GCKR: variants seen among roughly 807,000 people sequenced by gnomAD.
The protein encoded by GCKR is glucokinase regulator, also known as glucokinase regulatory protein.
Under a neutral mutation model 82.9 loss-of-function variants are expected in GCKR, and 73 were observed. The ratio of observed to expected loss-of-function variants is 0.88; its 90% CI spans 0.73 to 1.07. The LOEUF is 1.07. Among genes scored for constraint, GCKR ranks in the 50% least tolerant of loss-of-function variants. The pLI is 0.00. For synonymous variants in GCKR, 294 were observed against 291.8 expected, an observed-to-expected ratio of 1.01 and a Z score of -0.08; for missense variants, 784 against 782.1, an observed-to-expected ratio of 1.00 and a Z score of -0.03.
intron 16 of GCKR, 143 bp from the exon 17 acceptor site, chr2:27,518,645 G>A (rs945810489): frequency 7.9e-6 from 6 of 757,820 alleles, no homozygotes; most frequent in African/African-American, 3.4e-5. Context: ...ACATTTAAAC[G>A]CTGGGCTGCT....
At chr2:27,500,915 G>A (rs189378235) in intron 7 of GCKR, among the ~76,000 whole-genome samples, 35 of 152,308 alleles carry the variant, frequency 2.3e-4, no homozygotes, top group Non-Finnish European at 4.6e-4. Context: ...CAACTTTACC[G>A]TGCAGAAGAT....
chr2:27,504,268 G>A (rs1224960061), intron 9 of GCKR, among the ~76,000 whole-genome samples: 4 of 152,034 alleles, frequency 2.6e-5, no homozygotes, highest in South Asian at 2.1e-4. Context: ...AGAATTCCAC[G>A]GCTTTCACCT....
Position 27,507,702 on chromosome 2 carries a change from C to T in GCKR, c.1165C>T (p.Gln389Ter), listed in dbSNP as rs1178499821. ...TNQGPQFTFS[Q>*]EDFLTSILPS... Reference sequence around the variant, plus strand: ...CCAGGGTCCCCAGTTCACCTTCTCCCAGGAGGACTTCCTGACTTCCATCCT... The same window carrying T: ...CCAGGGTCCCCAGTTCACCTTCTCCTAGGAGGACTTCCTGACTTCCATCCT... Residue 389 changes from glutamine to a stop codon, truncating the protein, a stop_gained, in exon 14 of 19, where the codon CAG becomes TAG. Transcript: ENST00000264717. LOFTEE classifies it high-confidence loss of function. 1.2e-6 allele frequency: 2 copies of T among 1,605,352 alleles called. No homozygotes were observed. Among genetic ancestry groups the T allele is most frequent in the Non-Finnish European group, 8.5e-7 (1 of 1,172,472 alleles).
At chr2:27,500,279 AG>A (rs1471162229) in intron 7 of GCKR, among the ~76,000 whole-genome samples, 1 of 152,080 alleles carries the variant, frequency 6.6e-6, no homozygotes, top group African/African-American at 2.4e-5. Context: ...CAGTAGAGAC[AG>A]GGTTTCTACT....
intron 8 of GCKR, chr2:27,501,830 A>G (rs1005247897): frequency 6.4e-6 from 3 of 469,078 alleles, no homozygotes; most frequent in Middle Eastern, 3.3e-4. Context: ...ATATTAAACC[A>G]GTAGTGCTCA....
chr2:27,514,489 C>T (rs563607321), intron 16 of GCKR, among the ~76,000 whole-genome samples: 39 of 152,136 alleles, frequency 2.6e-4, no homozygotes, highest in Admixed American at 3.3e-4. Flanking sequence ...TATAAGTTTG[C>T]ACTTCCTATA....
chr2:27,517,013 CTTTT>C (rs10549495), intron 16 of GCKR, among the ~76,000 whole-genome samples: 1 of 135,098 alleles, frequency 7.4e-6, no homozygotes. Context: ...GTATTAGTAC[CTTTT>C]TTTTTTTTTT....
At position 27,497,244 on chromosome 2, in the gene GCKR, TTGTC is replaced by T. The variant is rs765454199; in HGVS notation, c.64_67del (p.Ser22GlyfsTer15). The T allele has an allele frequency of 8.1e-6, 13 of 1,614,198 alleles. No individual in the cohort carries two copies. The highest frequency in any genetic ancestry group is 6.8e-6 in the Non-Finnish European group (8 of 1,180,014). On this transcript the variant is annotated frameshift_variant and splice_region_variant, in exon 2 of 19. Transcript: ENST00000264717. LOFTEE classifies it high-confidence loss of function. ...CATCCTTGTCCCCTCTTCCTTCTAG[TTGTC>T]TGGGTACGAGGCAGCTGTGCCAATC...
In GCKR at chr2:27,507,799, G is replaced by C. The variant is rs200962565; in HGVS notation, c.1240+22G>C. 4.3e-6 allele frequency: 6 copies of C among 1,391,598 alleles called. No homozygotes were observed. The East Asian group carries it at 1.4e-4, about 32-fold the overall frequency. 86.2% of individuals were successfully genotyped at this position (1,391,598 alleles called of 1,614,324 possible). ...GATGGTGAGAGGGAAGATGGGAGTGGTGAGGGGTGGGGAGGGGGAAATAGA... is the reference window on the plus strand; with the variant it reads ...GATGGTGAGAGGGAAGATGGGAGTGCTGAGGGGTGGGGAGGGGGAAATAGA... On this transcript the variant is annotated intron_variant, in intron 14 of 18. Coordinates refer to ENST00000264717, the MANE Select transcript of GCKR (RefSeq NM_001486.4).
chr2:27,508,174 C>T lies in GCKR; in HGVS notation c.1345C>T (p.Leu449=). 6.2e-7 allele frequency: 1 copy of T among 1,610,932 alleles called. No individual in the cohort carries two copies. Among genetic ancestry groups the T allele is most frequent in the Non-Finnish European group, 8.5e-7 (1 of 1,177,318 alleles). Residue 449 remains leucine (L), a synonymous_variant, in exon 16 of 19, where the codon CTG becomes TTG. Transcript: ENST00000264717. ...CCTCTTTCTCTCTCTCCAGATCCCT[C>T]TGAAGAAGCTCTTTCCCTCCATCAT... ...STVGQTLLIP[L]KKLFPSIISI...
chr2:27,510,868 C>G (rs1456747165), intron 16 of GCKR, among the ~76,000 whole-genome samples: 1 of 151,494 alleles, frequency 6.6e-6, no homozygotes, highest in African/African-American at 2.4e-5. Context: ...ATAGCAAAAA[C>G]AGTAGCCCTT....
rs759000345 is a variant in GCKR at position 27,499,137 on chromosome 2, C to T, written c.429-5C>T. The T allele has an allele frequency of 6.9e-6, 11 of 1,589,634 alleles. No individual in the cohort carries two copies. In the South Asian group the frequency reaches 9.9e-5, roughly 14 times the overall value. ...CTGCCACTGACCTTGAGTCTGTCCT[C>T]TTAGGTCTGTGGTGGCCTCTAGGGA... On this transcript the variant is annotated splice_region_variant and splice_polypyrimidine_tract_variant and intron_variant, in intron 5 of 18. Coordinates refer to ENST00000264717, the MANE Select transcript of GCKR (RefSeq NM_001486.4).
In GCKR at chr2:27,503,604, C is replaced by A; in HGVS notation, c.735C>A (p.Leu245=). 6.3e-7 allele frequency: 1 copy of A among 1,592,084 alleles called. No homozygotes were observed. Among genetic ancestry groups the A allele is most frequent in the South Asian group, 1.1e-5 (1 of 90,622 alleles). ...KMQEKQKAFV[L]NPAIGPEGLS... is the part of the protein sequence containing the mutation. ...AGGAGAAACAGAAAGCTTTTGTGCT[C>A]AATCCTGCCATCGGGGTAGGGCCTC... The change falls in exon 9 of 19, where the codon CTC becomes CTA. Residue 245 remains leucine (L), a synonymous_variant. Transcript: ENST00000264717.
intron 6 of GCKR, 32 bp from the exon 7 acceptor site, chr2:27,499,365 G>A: frequency 6.4e-7 from 1 of 1,571,826 alleles, no homozygotes; most frequent in Non-Finnish European, 8.8e-7. Context: ...AATCCTCCCA[G>A]TTACACTACC....
chr2:27,518,486 C>T (rs542861690), intron 16 of GCKR, among the ~76,000 whole-genome samples: 1 of 152,142 alleles, frequency 6.6e-6, no homozygotes, highest in South Asian at 2.1e-4. Context: ...TGTCTGATAC[C>T]CGGGGAGAAA....
chr2:27,502,490 A>T (rs1487836935), intron 8 of GCKR, among the ~76,000 whole-genome samples: 2 of 152,138 alleles, frequency 1.3e-5, no homozygotes, highest in African/African-American at 4.8e-5. Context: ...TGGACTTGGT[A>T]CCCAGAAATG....
At chr2:27,521,928 T>C (rs1303675179) in intron 17 of GCKR, among the ~76,000 whole-genome samples, 2 of 151,786 alleles carry the variant, frequency 1.3e-5, no homozygotes, top group Non-Finnish European at 1.5e-5. Flanking sequence ...CTTGCTGTGT[T>C]GCCTAGGCTG....
Position 27,506,787 on chromosome 2 carries a change from G to T in GCKR, c.969-1G>T, listed in dbSNP as rs947905401. 1 of 1,599,782 alleles carries T rather than the reference G, an allele frequency of 6.3e-7. No homozygotes were observed. The highest frequency in any genetic ancestry group is 1.3e-5 in the African/African-American group (1 of 74,740). ...TGTCCTGACCTCTGACCCATTCTCA[G>T]TCTGGAGAAGAAAGGCCACGTGTAC... On this transcript the variant is annotated splice_acceptor_variant, in intron 11 of 18. Transcript: ENST00000264717. LOFTEE classifies it high-confidence loss of function.
At chr2:27,502,701 T>C (rs1487089202) in intron 8 of GCKR, among the ~76,000 whole-genome samples, 1 of 152,188 alleles carries the variant, frequency 6.6e-6, no homozygotes, top group Non-Finnish European at 1.5e-5. Context: ...GAAACTTGTC[T>C]GCCCTAGAAG....
Sources: allele counts gnomAD v4.1 joint callset (sites outside exome capture counted in the v4.1 genomes callset), GRCh38; gene constraint gnomAD v4.1.1; transcripts MANE v1.5; gene names NCBI Gene and HGNC (gene_info 2026-07-23, HGNC 2026-07-21).